The following NOTCH2 variants were observed in gnomAD, a reference collection of about 807,000 sequenced individuals.
NOTCH2 encodes the protein notch receptor 2, also known as neurogenic locus notch homolog protein 2.
A neutral mutation model predicts 235.8 loss-of-function variants in NOTCH2; 29 were observed. That is an observed-to-expected ratio of 0.12 (90% CI 0.09 to 0.17). The LOEUF (loss-of-function observed/expected upper bound fraction) is 0.17, where lower values mean the gene tolerates loss of function less well. Ranked by LOEUF, NOTCH2 falls within the 10% of genes least tolerant of loss-of-function variation. The probability of loss-of-function intolerance (pLI) is 1.00; values close to 1 mark genes in which losing one functional copy is unlikely to be tolerated. For missense variants in NOTCH2, 2,285 were observed against 3,150.2 expected, an observed-to-expected ratio of 0.73 and a Z score of 6.57; for synonymous variants, 1,086 against 1,141.5, an observed-to-expected ratio of 0.95 and a Z score of 0.98.
At chr1:119,923,233 A>G (rs587742955) in intron 26 of NOTCH2, among the ~76,000 whole-genome samples, 1 of 152,374 alleles carries the variant, frequency 6.6e-6, no homozygotes, top group Non-Finnish European at 1.5e-5. Context: ...ATATACCAAC[A>G]AAGAGTGAGG....
chr1:119,916,512 G>T lies in NOTCH2; in HGVS notation c.6210C>A (p.Ser2070Arg). ...CAGAAGTCAACACGGTGCCTGGAGG[G>T]CTTGGGGTCACATTGTATTCATCCA... is the stretch of plus-strand genomic sequence containing the variant. ...RLLDEYNVTP[S>R]PPGTVLTSAL... The change falls in exon 34 of 34, where the codon AGC becomes AGA. Residue 2070 changes from serine to arginine, a missense_variant. Coordinates refer to ENST00000256646, the MANE Select transcript of NOTCH2 (RefSeq NM_024408.4). 1 of 1,612,672 alleles carries T rather than the reference G, an allele frequency of 6.2e-7. No individual in the cohort carries two copies. The highest frequency in any genetic ancestry group is 8.5e-7 in the Non-Finnish European group (1 of 1,178,716).
chr1:119,945,436 C>G (rs1650217656), intron 17 of NOTCH2, among the ~76,000 whole-genome samples: 1 of 151,882 alleles, frequency 6.6e-6, no homozygotes, highest in Non-Finnish European at 1.5e-5. Flanking sequence ...AGATAGACAC[C>G]ATCATACTGG....
At chr1:119,949,163 A>T (rs1553197425) in intron 15 of NOTCH2, 37 bp from the exon 16 acceptor site, 1 of 1,613,626 alleles carries the variant, frequency 6.2e-7, no homozygotes, top group Non-Finnish European at 8.5e-7. Flanking sequence ...ACAGATAAAC[A>T]GGTAAGAAAA....
chr1:119,986,430 A>G (rs1264123798), intron 5 of NOTCH2, among the ~76,000 whole-genome samples: 9 of 152,192 alleles, frequency 5.9e-5, no homozygotes, highest in Non-Finnish European at 1.2e-4. Flanking sequence ...ACAAAAAGGG[A>G]TAGAAGAAAA....
chr1:119,953,415 C>G, intron 14 of NOTCH2, 128 bp downstream of exon 14: 1 of 1,008,804 alleles, frequency 9.9e-7, no homozygotes, highest in East Asian at 2.4e-5. Context: ...CCTTACAAGT[C>G]TAATTGCTCA....
intron 22 of NOTCH2, 93 bp from the exon 23 acceptor site, chr1:119,929,305 A>C: frequency 9.8e-7 from 1 of 1,021,204 alleles, no homozygotes; most frequent in East Asian, 2.4e-5. Flanking sequence ...TTTCACAATG[A>C]ATCAGAGTAT....
intron 17 of NOTCH2, among the ~76,000 whole-genome samples, chr1:119,946,990 A>T (rs1553197112): frequency 6.6e-6 from 1 of 152,104 alleles, no homozygotes; most frequent in African/African-American, 2.4e-5. Context: ...TAAGAAAACA[A>T]AATTAAACTT....
intron 3 of NOTCH2, among the ~76,000 whole-genome samples, chr1:120,002,443 G>T (rs1201157250): frequency 1.3e-5 from 2 of 151,696 alleles, no homozygotes; most frequent in African/African-American, 4.8e-5. Flanking sequence ...TGTGATTAAG[G>T]TCAATGGGCA....
intron 25 of NOTCH2, 137 bp downstream of exon 25, chr1:119,925,168 C>A (rs1052103044): frequency 6.7e-6 from 7 of 1,051,238 alleles, no homozygotes; most frequent in Non-Finnish European, 1.0e-5. Flanking sequence ...GGGCAGTGTG[C>A]GATGGGACAA....
At chr1:119,922,818 G>A (rs780354052) in intron 26 of NOTCH2, 40 bp from the exon 27 acceptor site, 2 of 1,612,748 alleles carry the variant, frequency 1.2e-6, no homozygotes, top group Non-Finnish European at 1.7e-6. Context: ...GGAGAGATGG[G>A]GGTAAAACAG....
intron 5 of NOTCH2, among the ~76,000 whole-genome samples, chr1:119,980,500 C>G (rs1052516707): frequency 3.3e-5 from 5 of 152,164 alleles, no homozygotes; most frequent in African/African-American, 1.2e-4. Flanking sequence ...GTGATCTAAA[C>G]CCATTTTGCC....
At chr1:119,918,649 G>T in intron 31 of NOTCH2, 96 bp from the exon 32 acceptor site, 1 of 1,249,658 alleles carries the variant, frequency 8.0e-7, no homozygotes, top group South Asian at 1.2e-5. Flanking sequence ...TGAGGCTACA[G>T]TGTAGATTCC....
chr1:119,981,497 C>A (rs1175112564), intron 5 of NOTCH2, among the ~76,000 whole-genome samples: 4 of 152,108 alleles, frequency 2.6e-5, no homozygotes, highest in African/African-American at 4.8e-5. Flanking sequence ...TACTAACAAC[C>A]GTTCCATGGG....
At chr1:120,006,689 C>G (rs1385616141) in intron 2 of NOTCH2, among the ~76,000 whole-genome samples, 2 of 150,446 alleles carry the variant, frequency 1.3e-5, no homozygotes, top group East Asian at 1.9e-4. Flanking sequence ...AAAACTGAAT[C>G]TAGTAGGCTG....
At chr1:119,950,273 T>C (rs1189609040) in intron 15 of NOTCH2, 2 of 357,274 alleles carry the variant, frequency 5.6e-6, no homozygotes, top group African/African-American at 2.1e-5. Flanking sequence ...CCTCCTCATG[T>C]GTAAAATGGC....
intron 1 of NOTCH2, among the ~76,000 whole-genome samples, chr1:120,040,882 A>G (rs1654518234): frequency 7.0e-6 from 1 of 143,716 alleles, no homozygotes; most frequent in East Asian, 2.0e-4. Flanking sequence ...CTAAAAATAC[A>G]AAAAAAAAAT....
At chr1:119,955,522 TAAG>T (rs1488494740) in intron 12 of NOTCH2, among the ~76,000 whole-genome samples, 2 of 152,238 alleles carry the variant, frequency 1.3e-5, no homozygotes, top group African/African-American at 4.8e-5. Flanking sequence ...CACAAGGTTC[TAAG>T]AAGAGAATGT....
intron 30 of NOTCH2, among the ~76,000 whole-genome samples, chr1:119,919,827 TGGGGG>T (rs1489547322): frequency 6.6e-6 from 1 of 152,236 alleles, no homozygotes; most frequent in Admixed American, 6.5e-5. Flanking sequence ...CTTTTTAAGC[TGGGGG>T]CTCTTCTCTA....
At position 119,923,949 on chromosome 1, in the gene NOTCH2, T is replaced by C. The variant is rs1649374991; in HGVS notation, c.4547A>G (p.Asn1516Ser). The C allele has an allele frequency of 6.2e-7, 1 of 1,614,108 alleles. No individual in the cohort carries two copies. Among genetic ancestry groups the C allele is most frequent in the Non-Finnish European group, 8.5e-7 (1 of 1,180,002 alleles). The change falls in exon 26 of 34, where the codon AAC (asparagine) becomes AGC (serine). Residue 1516 changes from asparagine (N) to serine (S), a missense_variant. Asn to Ser is a conservative substitution (Grantham distance 46). Transcript: ENST00000256646. ...ACTGTTGCACCCCTGGTCACAGTGG[T>C]TGTCTTTGAAGTGGTCTGCACAGTA... ...DKYCADHFKD[N>S]HCDQGCNSEE...
Sources: gnomAD v4.1 joint callset for allele counts (sites outside exome capture counted in the v4.1 genomes callset) on GRCh38, gnomAD v4.1.1 for gene constraint, MANE v1.5 for transcripts, NCBI Gene and HGNC (gene_info 2026-07-23, HGNC 2026-07-21) for gene names.